OLFM2: variants seen among roughly 807,000 people sequenced by gnomAD.
The protein encoded by OLFM2 is olfactomedin 2, also known as noelin-2.
OLFM2 carries 20 observed loss-of-function variants against 43.9 expected under a neutral mutation model. The ratio of observed to expected loss-of-function variants is 0.46; its 90% CI spans 0.32 to 0.66. OLFM2 has a LOEUF of 0.66. OLFM2 is among the 30% of genes least tolerant of loss of function. The pLI is 0.04. For missense variants in OLFM2, 416 were observed against 643.6 expected, an observed-to-expected ratio of 0.65 and a Z score of 3.83; for synonymous variants, 268 against 278.6, an observed-to-expected ratio of 0.96 and a Z score of 0.38.
intron 1 of OLFM2, among the ~76,000 whole-genome samples, chr19:9,865,500 T>C (rs1233838391): frequency 7.3e-6 from 1 of 136,742 alleles, no homozygotes; most frequent in Non-Finnish European, 1.6e-5. Context: ...TTTTTTTTTT[T>C]TTTTTTTTTG....
At chr19:9,920,402 A>T (rs1282692198) in intron 1 of OLFM2, among the ~76,000 whole-genome samples, 2 of 151,932 alleles carry the variant, frequency 1.3e-5, no homozygotes, top group Admixed American at 1.3e-4. Flanking sequence ...TGCTTGCATC[A>T]CCCTGGTCCT....
At chr19:9,865,251 A>G (rs1314537325) in intron 1 of OLFM2, among the ~76,000 whole-genome samples, 2 of 150,522 alleles carry the variant, frequency 1.3e-5, no homozygotes, top group Non-Finnish European at 3.0e-5. Flanking sequence ...GGCAGCCTCA[A>G]CCTCCTGGGC....
rs904772900 is a variant in OLFM2 at position 9,856,503 on chromosome 19, CTTGGGAGGGCATTGGTCA to C, written c.687+286_687+303del. On this transcript the variant is annotated intron_variant, in intron 5 of 5. Transcript: ENST00000264833. This position sits in a 1 kb window ranked among gnomAD's most constrained non-coding sequence, Gnocchi z 4.0. ...TGCTTGGTGGAAGAGGTCTCTTGTC[CTTGGGAGGGCATTGGTCA>C]TTGGGTAGTTACTTGGACGTCAGTA... Among the ~76,000 whole-genome samples, 14 of 152,208 alleles carry C rather than the reference CTTGGGAGGGCATTGGTCA, an allele frequency of 9.2e-5. No individual in the cohort carries two copies. The highest frequency in any genetic ancestry group is 3.4e-4 in the African/African-American group (14 of 41,458).
At chr19:9,912,850 C>G (rs1367999557) in intron 1 of OLFM2, among the ~76,000 whole-genome samples, 1 of 150,886 alleles carries the variant, frequency 6.6e-6, no homozygotes, top group Non-Finnish European at 1.5e-5. Flanking sequence ...GGAAGGGGTG[C>G]AGGGGAGAGA....
Position 9,899,268 on chromosome 19 carries a change from T to TA in OLFM2, c.63+37035dup, listed in dbSNP as rs113154580. On this transcript the variant is annotated intron_variant, in intron 1 of 5. Transcript: ENST00000264833. ...CAACAGAATGAGATTCCATCTCAAT[T>TA]AAAAAAAAAAAAAGAATAAAAGCCA... 4.1e-3 allele frequency among the ~76,000 whole-genome samples: 590 copies of TA among 143,488 alleles called. 3 individuals carry two copies. The highest frequency in any genetic ancestry group is 0.013 in the African/African-American group (520 of 39,648). The allele number at this position is 143,488 out of a possible 152,430, so 94.1% of individuals were successfully genotyped here.
At chr19:9,912,969 A>T (rs1301862683) in intron 1 of OLFM2, among the ~76,000 whole-genome samples, 1 of 145,704 alleles carries the variant, frequency 6.9e-6, no homozygotes, top group Non-Finnish European at 1.5e-5. Context: ...AGGGGAAATG[A>T]ATAGAGACTC....
intron 1 of OLFM2, among the ~76,000 whole-genome samples, chr19:9,928,822 GAA>G (rs2086467682): frequency 6.6e-6 from 1 of 151,476 alleles, no homozygotes; most frequent in Non-Finnish European, 1.5e-5. Flanking sequence ...AAAAAAGAGA[GAA>G]AGAGAATAAG....
intron 1 of OLFM2, among the ~76,000 whole-genome samples, chr19:9,881,792 C>A (rs1432130355): frequency 1.3e-5 from 2 of 152,050 alleles, no homozygotes; most frequent in African/African-American, 4.8e-5. Context: ...GCTACTGCAC[C>A]CGGACCTAAT....
At chr19:9,888,298 G>A (rs2046605829) in intron 1 of OLFM2, among the ~76,000 whole-genome samples, 1 of 151,960 alleles carries the variant, frequency 6.6e-6, no homozygotes, top group Admixed American at 6.6e-5. Context: ...TGAGGTGGGT[G>A]GATCATTTGA....
At chr19:9,882,836 G>A (rs531767206) in intron 1 of OLFM2, among the ~76,000 whole-genome samples, 1 of 151,836 alleles carries the variant, frequency 6.6e-6, no homozygotes, top group Admixed American at 6.6e-5. Context: ...TTTGAGCTCA[G>A]GAGTGAGCTA....
intron 1 of OLFM2, among the ~76,000 whole-genome samples, chr19:9,861,353 AAC>A (rs2046364381): frequency 1.3e-5 from 2 of 151,620 alleles, no homozygotes; most frequent in Admixed American, 6.6e-5. Context: ...CAGCCTGGGT[AAC>A]AGAGTGAGAC....
intron 5 of OLFM2, among the ~76,000 whole-genome samples, chr19:9,855,271 C>G (rs1044355584): frequency 2.7e-4 from 41 of 149,374 alleles, no homozygotes; most frequent in African/African-American, 9.6e-4. Context: ...GATGGAGTCC[C>G]TCTCTGTTGC....
At chr19:9,912,985 G>C (rs1408492650) in intron 1 of OLFM2, among the ~76,000 whole-genome samples, 2 of 150,982 alleles carry the variant, frequency 1.3e-5, no homozygotes, top group African/African-American at 4.9e-5. Context: ...GACTCAGACA[G>C]AACTACTCAG....
chr19:9,906,744 C>T (rs1209167215), intron 1 of OLFM2, among the ~76,000 whole-genome samples: 1 of 152,270 alleles, frequency 6.6e-6, no homozygotes, highest in Non-Finnish European at 1.5e-5. Context: ...GACAAACCTC[C>T]CCTCTGCCTT....
At chr19:9,936,113 A>G (rs1165731231) in intron 1 of OLFM2, among the ~76,000 whole-genome samples, 191 bp downstream of exon 1, 1 of 143,810 alleles carries the variant, frequency 7.0e-6, no homozygotes, top group Non-Finnish European at 1.5e-5. Flanking sequence ...GCTGGATTTG[A>G]AGCCCCCCTC....
At chr19:9,917,753 G>GTAGAA in intron 1 of OLFM2, among the ~76,000 whole-genome samples, 1 of 38,370 alleles carries the variant, frequency 2.6e-5, no homozygotes, top group African/African-American at 1.2e-4. Flanking sequence ...TCTGAAACAC[G>GTAGAA]TAGTTTGTTT....
chr19:9,895,254 G>A (rs376448694), intron 1 of OLFM2, among the ~76,000 whole-genome samples: 1 of 152,024 alleles, frequency 6.6e-6, no homozygotes, highest in Non-Finnish European at 1.5e-5. Context: ...TTGGGAGGCC[G>A]AGGTGGGAGG....
chr19:9,924,910 G>GTA (rs998278678), intron 1 of OLFM2, among the ~76,000 whole-genome samples: 8 of 151,356 alleles, frequency 5.3e-5, no homozygotes, highest in Non-Finnish European at 8.8e-5. Context: ...ATATATGCGT[G>GTA]TATATATATA....
chr19:9,875,297 G>A (rs148757398), intron 1 of OLFM2, among the ~76,000 whole-genome samples: 3 of 152,266 alleles, frequency 2.0e-5, no homozygotes, highest in East Asian at 1.9e-4. Flanking sequence ...CTTCCTTCAC[G>A]GAGCTGTCAC....
Sources: gnomAD v4.1 joint callset for allele counts (sites outside exome capture counted in the v4.1 genomes callset) on GRCh38, gnomAD v4.1.1 for gene constraint, Gnocchi (gnomAD v3.1) non-coding constraint, MANE v1.5 for transcripts, NCBI Gene and HGNC (gene_info 2026-07-23, HGNC 2026-07-21) for gene names.